The following ARB2A variants were observed in gnomAD, a reference collection of about 807,000 sequenced individuals.
ARB2A encodes ARB2 cotranscriptional regulator A, also known as cotranscriptional regulator ARB2A.
At chr5:94,071,781 C>T in the ARB2A span, among the ~76,000 whole-genome samples, 2 of 152,090 alleles carry the variant, frequency 1.3e-5, no homozygotes, top group African/African-American at 4.8e-5. Context: ...TAAAATGGTA[C>T]AGCCACTCTG....
the ARB2A span, among the ~76,000 whole-genome samples, chr5:93,820,030 T>A: frequency 6.6e-6 from 1 of 152,232 alleles, no homozygotes; most frequent in East Asian, 1.9e-4. Context: ...AGTGATTTTT[T>A]AATGATGGTT....
chr5:93,727,100 T>G, the ARB2A span, among the ~76,000 whole-genome samples: 697 of 152,204 alleles, frequency 4.6e-3, 3 homozygotes, highest in Admixed American at 6.7e-3. Context: ...GCTGAGAAGA[T>G]ACTAGTTTGG....
At chr5:93,716,693 CAAAAAA>C in the ARB2A span, among the ~76,000 whole-genome samples, 11 of 36,686 alleles carry the variant, frequency 3.0e-4, no homozygotes, top group Admixed American at 1.5e-3. Flanking sequence ...ATAAGCTGTG[CAAAAAA>C]AAAAAAAAAA....
chr5:93,780,197 G>A, the ARB2A span, among the ~76,000 whole-genome samples: 1 of 152,080 alleles, frequency 6.6e-6, no homozygotes, highest in Non-Finnish European at 1.5e-5. Flanking sequence ...TACAACTATG[G>A]TTCACTAGGT....
At chr5:93,705,651 G>GTGTA in the ARB2A span, among the ~76,000 whole-genome samples, 268 of 132,910 alleles carry the variant, frequency 2.0e-3, no homozygotes, top group South Asian at 7.3e-3. Flanking sequence ...GTGTGTGTGT[G>GTGTA]TATATATATA....
At chr5:93,918,847 T>C in the ARB2A span, among the ~76,000 whole-genome samples, 2 of 152,348 alleles carry the variant, frequency 1.3e-5, no homozygotes, top group African/African-American at 2.4e-5. Flanking sequence ...ACAGTGATTC[T>C]TAACCTTGGC....
chr5:93,624,920 C>T, the ARB2A span, among the ~76,000 whole-genome samples: 1 of 152,126 alleles, frequency 6.6e-6, no homozygotes, highest in Admixed American at 6.5e-5. Context: ...TTAATATATA[C>T]TGAATTTTCC....
chr5:93,852,086 C>G, the ARB2A span, among the ~76,000 whole-genome samples: 2 of 152,178 alleles, frequency 1.3e-5, no homozygotes, highest in Non-Finnish European at 2.9e-5. Context: ...TAAAAGTGTT[C>G]CTATTTCTCC....
chr5:93,996,428 G>C, the ARB2A span, among the ~76,000 whole-genome samples: 5 of 152,024 alleles, frequency 3.3e-5, no homozygotes, highest in African/African-American at 4.8e-5. Context: ...ACTGACCTCA[G>C]GGTTGTGTGA....
chr5:93,958,863 T>C, the ARB2A span: 1 of 1,610,092 alleles, frequency 6.2e-7, no homozygotes, highest in Non-Finnish European at 8.5e-7. Flanking sequence ...TGCCCTGCCC[T>C]GACAACACCA....
At chr5:93,625,904 T>C in the ARB2A span, among the ~76,000 whole-genome samples, 27 of 152,200 alleles carry the variant, frequency 1.8e-4, no homozygotes, top group Admixed American at 3.3e-4. Context: ...GCATCTTCTG[T>C]CTTATCTATT....
the ARB2A span, among the ~76,000 whole-genome samples, chr5:93,729,673 TTAA>T: frequency 6.0e-4 from 92 of 152,256 alleles, no homozygotes; most frequent in African/African-American, 2.1e-3. Flanking sequence ...GTTTTAAAAG[TTAA>T]TAATATTTGC....
chr5:94,111,687 A>T, the ARB2A span: 1 of 152,280 alleles, frequency 6.6e-6, no homozygotes, highest in Non-Finnish European at 1.5e-5. Context: ...GTCATTACGC[A>T]CTTGACGGCA....
At chr5:94,058,368 G>A in the ARB2A span, among the ~76,000 whole-genome samples, 1 of 151,566 alleles carries the variant, frequency 6.6e-6, no homozygotes, top group Admixed American at 6.6e-5. Flanking sequence ...CATGTAAAAA[G>A]GTAAAAATCA....
chr5:94,072,055 A>G, the ARB2A span, among the ~76,000 whole-genome samples: 1 of 152,148 alleles, frequency 6.6e-6, no homozygotes, highest in East Asian at 1.9e-4. Context: ...TGAACTACTG[A>G]TATTTACAAA....
the ARB2A span, among the ~76,000 whole-genome samples, chr5:93,834,361 C>A: frequency 6.6e-6 from 1 of 152,090 alleles, no homozygotes; most frequent in Non-Finnish European, 1.5e-5. Context: ...TTCAAGAAGG[C>A]TAATGATGTT....
At chr5:94,056,716 T>C in the ARB2A span, among the ~76,000 whole-genome samples, 2 of 152,182 alleles carry the variant, frequency 1.3e-5, no homozygotes, top group South Asian at 2.1e-4. Context: ...CAAACAGATA[T>C]ACTTGCACAT....
At chr5:94,005,694 C>A in the ARB2A span, among the ~76,000 whole-genome samples, 1 of 152,048 alleles carries the variant, frequency 6.6e-6, no homozygotes, top group Non-Finnish European at 1.5e-5. Context: ...ACAGTAAAAA[C>A]CCAAACAATT....
At chr5:93,819,503 T>C in the ARB2A span, among the ~76,000 whole-genome samples, 7 of 152,352 alleles carry the variant, frequency 4.6e-5, no homozygotes, top group South Asian at 1.4e-3. Flanking sequence ...GATACCATTA[T>C]GATTCAGTTT....
Sources: allele counts gnomAD v4.1 joint callset (sites outside exome capture counted in the v4.1 genomes callset), GRCh38; gene constraint gnomAD v4.1.1; transcripts MANE v1.5; gene names NCBI Gene and HGNC (gene_info 2026-07-23, HGNC 2026-07-21).